Variants in PTPRD observed in about 807,000 individuals in gnomAD.
PTPRD encodes receptor-type tyrosine-protein phosphatase delta.
In PTPRD, 34 loss-of-function variants were observed where a neutral mutation model predicts 214.5. The observed-to-expected ratio is 0.16, with a 90% CI of 0.12 to 0.21. The LOEUF (loss-of-function observed/expected upper bound fraction) is 0.21, where lower values mean the gene tolerates loss of function less well. Among genes scored for constraint, PTPRD ranks in the 10% least tolerant of loss-of-function variants. The probability of loss-of-function intolerance (pLI) is 1.00; values close to 1 mark genes in which losing one functional copy is unlikely to be tolerated. For synonymous variants in PTPRD, 1,128 were observed against 845.7 expected (o/e 1.33, Z -5.79); for missense variants, 2,545 against 2,398.7 (o/e 1.06, Z -1.27).
chr9:8,723,018 G>C (rs578261469), intron 12 of PTPRD, among the ~76,000 whole-genome samples: 1 of 152,236 alleles, frequency 6.6e-6, no homozygotes, highest in East Asian at 1.9e-4. Context: ...TGTCCTAGTA[G>C]AGAACAGTAG....
intron 2 of PTPRD, among the ~76,000 whole-genome samples, chr9:10,565,149 AAT>A (rs113299468): frequency 6.6e-6 from 1 of 151,618 alleles, no homozygotes; most frequent in Admixed American, 6.6e-5. Context: ...AATATACAGG[AAT>A]ATATATATAT....
rs189255874 is a variant in PTPRD at position 9,990,432 on chromosome 9, G to C, written c.-472+43286C>G. ...TTTTCACCCCAACAGCTGCAAGTCA[G>C]TGAGGGGGCTTGGCGGCTCCCCTCC... On this transcript the variant is annotated intron_variant, in intron 4 of 45. Transcript: ENST00000381196. Among the ~76,000 whole-genome samples the C allele has an allele frequency of 6.0e-4, 92 of 152,344 alleles. 2 individuals are homozygous for C. The East Asian group carries it at 0.015, about 26-fold the overall frequency.
intron 5 of PTPRD, among the ~76,000 whole-genome samples, chr9:9,892,398 G>C (rs779437136): frequency 2.6e-5 from 4 of 152,088 alleles, no homozygotes; most frequent in Admixed American, 6.6e-5. Flanking sequence ...AAAACCCTGA[G>C]AGTGTGTGCA....
chr9:10,432,345 T>G (rs931341483), intron 2 of PTPRD, among the ~76,000 whole-genome samples: 4 of 148,820 alleles, frequency 2.7e-5, no homozygotes, highest in East Asian at 2.1e-4. Context: ...TAGATGACGA[T>G]TTAGTGGGTG....
At chr9:8,954,323 A>G (rs1473548248) in intron 11 of PTPRD, among the ~76,000 whole-genome samples, 1 of 151,856 alleles carries the variant, frequency 6.6e-6, no homozygotes, top group African/African-American at 2.4e-5. Context: ...AAAAGGAGCA[A>G]AAGACGCTGG....
intron 9 of PTPRD, among the ~76,000 whole-genome samples, chr9:9,378,284 A>G (rs1030162784): frequency 1.3e-5 from 2 of 152,152 alleles, no homozygotes; most frequent in African/African-American, 4.8e-5. Context: ...TACAGTATAT[A>G]TCTTTTTCAG....
At chr9:9,182,542 GAGAA>G (rs1162741420) in intron 10 of PTPRD, among the ~76,000 whole-genome samples, 1 of 152,004 alleles carries the variant, frequency 6.6e-6, no homozygotes, top group Non-Finnish European at 1.5e-5. Context: ...AAATATCTCA[GAGAA>G]AGAATATGGG....
chr9:9,912,046 A>G (rs2079348520), intron 5 of PTPRD, among the ~76,000 whole-genome samples: 1 of 152,176 alleles, frequency 6.6e-6, no homozygotes, highest in Non-Finnish European at 1.5e-5. Flanking sequence ...AATAAAGTCA[A>G]TAATCTACAG....
At chr9:8,656,706 A>G (rs930475147) in intron 12 of PTPRD, among the ~76,000 whole-genome samples, 1 of 152,196 alleles carries the variant, frequency 6.6e-6, no homozygotes, top group African/African-American at 2.4e-5. Flanking sequence ...TTTGTTTTGG[A>G]TTTAGCAGAA....
chr9:9,869,436 A>T (rs932246008), intron 5 of PTPRD, among the ~76,000 whole-genome samples: 2 of 151,976 alleles, frequency 1.3e-5, no homozygotes, highest in African/African-American at 4.8e-5. Context: ...AGCTGAATTC[A>T]CCTATATCTT....
In PTPRD at chr9:8,465,486, C is replaced by T. The variant is rs2134458445; in HGVS notation, c.3694G>A (p.Val1232Ile). ...GQEYVFFVLAVMEHAESKMYA... is the reference protein window; with the variant it reads ...GQEYVFFVLAIMEHAESKMYA... ...CTTACAGACTCTGCATGTTCCATTA[C>T]TGCTAACACAAAGAAGACATATTCT... Residue 1232 changes from valine (V) to isoleucine (I), a missense_variant, in exon 32 of 46, where the codon GTA becomes ATA. By Grantham distance (29) the Val-to-Ile change is conservative. Coordinates refer to ENST00000381196, the MANE Select transcript of PTPRD (RefSeq NM_002839.4). 6.2e-7 allele frequency: 1 copy of T among 1,612,292 alleles called. No individual in the cohort carries two copies. The highest frequency in any genetic ancestry group is 8.5e-7 in the Non-Finnish European group (1 of 1,178,772).
At chr9:10,590,288 A>C (rs1451467513) in intron 2 of PTPRD, among the ~76,000 whole-genome samples, 1 of 152,050 alleles carries the variant, frequency 6.6e-6, no homozygotes, top group Non-Finnish European at 1.5e-5. Context: ...ATCTACAATC[A>C]TGACAATCTT....
chr9:10,470,399 T>A (rs1486394994), intron 2 of PTPRD, among the ~76,000 whole-genome samples: 1 of 152,104 alleles, frequency 6.6e-6, no homozygotes, highest in Non-Finnish European at 1.5e-5. Context: ...GTAAATGGAT[T>A]TCAATGTCAA....
intron 3 of PTPRD, among the ~76,000 whole-genome samples, chr9:10,072,628 A>G (rs182261557): frequency 2.0e-4 from 30 of 151,954 alleles, no homozygotes; most frequent in East Asian, 5.9e-4. Flanking sequence ...CCTTTTTCCA[A>G]TCCTCCCTGC....
intron 6 of PTPRD, among the ~76,000 whole-genome samples, chr9:9,749,382 A>G (rs1034013879): frequency 9.8e-5 from 15 of 152,292 alleles, no homozygotes; most frequent in African/African-American, 3.6e-4. Context: ...TAATAAAACT[A>G]TTTGACCTCC....
At chr9:9,764,243 A>T (rs915220855) in intron 6 of PTPRD, among the ~76,000 whole-genome samples, 5 of 152,096 alleles carry the variant, frequency 3.3e-5, no homozygotes, top group African/African-American at 1.2e-4. Context: ...TGGAGGTATA[A>T]TTTTTTCTAA....
At chr9:8,734,551 A>T (rs2098696729) in intron 11 of PTPRD, among the ~76,000 whole-genome samples, 1 of 152,232 alleles carries the variant, frequency 6.6e-6, no homozygotes, top group South Asian at 2.1e-4. Flanking sequence ...AATAGTTAGC[A>T]TGAGCCTCTT....
intron 2 of PTPRD, among the ~76,000 whole-genome samples, chr9:10,605,243 C>A (rs1567174569): frequency 6.6e-6 from 1 of 151,676 alleles, no homozygotes; most frequent in African/African-American, 2.4e-5. Flanking sequence ...CTGAGAAAAC[C>A]AAAGCACTTC....
chr9:8,501,011 G>T lies in PTPRD; in HGVS notation c.1871C>A (p.Thr624Asn). Residue 624 changes from threonine (T) to asparagine (N), a missense_variant, in exon 24 of 46, where the codon ACT becomes AAT. By Grantham distance (65) the Thr-to-Asn change is moderately conservative. Coordinates refer to ENST00000381196, the MANE Select transcript of PTPRD (RefSeq NM_002839.4). ...QDISCTSPSS[T>N]SILVSWQPPP... ...AGGTTGCCAACTTACCAAAATACTA[G>T]TGGAACTTGGGCTGGTGCAACTAAT... 1 of 1,614,052 alleles carries T rather than the reference G, an allele frequency of 6.2e-7. No individual in the cohort carries two copies. The highest frequency in any genetic ancestry group is 8.5e-7 in the Non-Finnish European group (1 of 1,179,994).
Sources: allele counts gnomAD v4.1 joint callset (sites outside exome capture counted in the v4.1 genomes callset), GRCh38; gene constraint gnomAD v4.1.1; transcripts MANE v1.5; gene names NCBI Gene and HGNC (gene_info 2026-07-23, HGNC 2026-07-21).